Variants in PRKG1 observed in about 807,000 individuals in gnomAD.
The protein encoded by PRKG1 is protein kinase cGMP-dependent 1.
PRKG1 carries 35 observed loss-of-function variants against 88.1 expected under a neutral mutation model. The ratio of observed to expected loss-of-function variants is 0.40; its 90% CI spans 0.30 to 0.53. The LOEUF (loss-of-function observed/expected upper bound fraction) is 0.53, where lower values mean the gene tolerates loss of function less well. Ranked by LOEUF, PRKG1 falls within the 20% of genes least tolerant of loss-of-function variation. The pLI, the probability that PRKG1 is intolerant of heterozygous loss-of-function variation, is 0.59. For missense variants in PRKG1, 540 were observed against 839.8 expected, an observed-to-expected ratio of 0.64 and a Z score of 4.41; for synonymous variants, 303 against 292.5, an observed-to-expected ratio of 1.04 and a Z score of -0.37.
intron 2 of PRKG1, among the ~76,000 whole-genome samples, chr10:51,316,198 G>A (rs1031298216): frequency 3.9e-5 from 6 of 152,100 alleles, no homozygotes; most frequent in African/African-American, 4.8e-5. Flanking sequence ...GTCCCCTTGG[G>A]TAAAGTTTGT....
chr10:51,996,493 GAAGACCTAA>G (rs1391346265), intron 5 of PRKG1, among the ~76,000 whole-genome samples: 1 of 151,902 alleles, frequency 6.6e-6, no homozygotes, highest in Non-Finnish European at 1.5e-5. Flanking sequence ...TTTCTCAATA[GAAGACCTAA>G]AATTAGCCAA....
chr10:51,579,997 C>T (rs1478864282), intron 3 of PRKG1, among the ~76,000 whole-genome samples: 1 of 152,146 alleles, frequency 6.6e-6, no homozygotes, highest in Non-Finnish European at 1.5e-5. Flanking sequence ...TCTTCTCTCT[C>T]TACCTCTCTG....
chr10:51,680,065 C>T (rs1264419089), intron 3 of PRKG1, among the ~76,000 whole-genome samples: 3 of 152,190 alleles, frequency 2.0e-5, no homozygotes, highest in Non-Finnish European at 4.4e-5. Flanking sequence ...CTTGGAGTGG[C>T]CACAGGCCAC....
intron 1 of PRKG1, among the ~76,000 whole-genome samples, chr10:51,036,171 A>G (rs1328633094): frequency 6.6e-6 from 1 of 152,036 alleles, no homozygotes; most frequent in African/African-American, 2.4e-5. Context: ...GAGCCTACCT[A>G]TGTCATTAGG....
chr10:51,007,747 A>G (rs1207480984), intron 1 of PRKG1, among the ~76,000 whole-genome samples: 2 of 152,218 alleles, frequency 1.3e-5, no homozygotes, highest in African/African-American at 2.4e-5. Context: ...TGTAGTTTTA[A>G]TATTAGTGTT....
intron 5 of PRKG1, among the ~76,000 whole-genome samples, chr10:51,953,199 G>A: frequency 6.6e-6 from 1 of 152,172 alleles, no homozygotes; most frequent in Non-Finnish European, 1.5e-5. Context: ...ATTATAATTT[G>A]TGTGCTGTAT....
At chr10:51,259,598 T>C (rs1474629015) in intron 2 of PRKG1, among the ~76,000 whole-genome samples, 1 of 152,132 alleles carries the variant, frequency 6.6e-6, no homozygotes, top group East Asian at 1.9e-4. Flanking sequence ...TTCAGCCTCC[T>C]GAGTAGCTGG....
intron 1 of PRKG1, among the ~76,000 whole-genome samples, chr10:51,011,214 G>T (rs901863927): frequency 2.0e-5 from 3 of 151,958 alleles, no homozygotes; most frequent in Non-Finnish European, 4.4e-5. Flanking sequence ...TGTGTGGGTG[G>T]GGAGGGGGCG....
chr10:51,217,701 C>G (rs111687843), intron 2 of PRKG1, among the ~76,000 whole-genome samples: 3,382 of 152,150 alleles, frequency 0.022, 50 homozygotes, highest in Middle Eastern at 0.051. Flanking sequence ...ACACAGATGG[C>G]CTTTATAAAC....
At chr10:51,819,287 C>A (rs1249865223) in intron 4 of PRKG1, among the ~76,000 whole-genome samples, 1 of 151,782 alleles carries the variant, frequency 6.6e-6, no homozygotes, top group Non-Finnish European at 1.5e-5. Flanking sequence ...TTCACAGGAA[C>A]TAATAGAAAA....
At chr10:51,943,073 T>C (rs1484384593) in intron 5 of PRKG1, among the ~76,000 whole-genome samples, 1 of 152,086 alleles carries the variant, frequency 6.6e-6, no homozygotes, top group African/African-American at 2.4e-5. Flanking sequence ...TAATGATTCT[T>C]CCTATCCATG....
At chr10:51,035,064 T>C (rs1343169119) in intron 1 of PRKG1, among the ~76,000 whole-genome samples, 2 of 152,018 alleles carry the variant, frequency 1.3e-5, no homozygotes, top group African/African-American at 4.8e-5. Flanking sequence ...TCAGAGATGA[T>C]GGTAACGGTC....
intron 2 of PRKG1, among the ~76,000 whole-genome samples, chr10:51,454,531 A>G (rs1337844192): frequency 6.6e-6 from 1 of 152,206 alleles, no homozygotes; most frequent in African/African-American, 2.4e-5. Context: ...CACACTGATA[A>G]TAAAGACATA....
At chr10:52,005,677 A>T (rs1396731983) in intron 5 of PRKG1, among the ~76,000 whole-genome samples, 1 of 152,100 alleles carries the variant, frequency 6.6e-6, no homozygotes, top group African/African-American at 2.4e-5. Context: ...CAGTGGTTCT[A>T]CTTCTGCCTG....
chr10:51,116,786 T>A (rs1391748532), intron 1 of PRKG1, among the ~76,000 whole-genome samples: 2 of 152,050 alleles, frequency 1.3e-5, no homozygotes, highest in African/African-American at 4.8e-5. Flanking sequence ...GATGGTAAGA[T>A]CTGATACCAT....
At chr10:51,727,260 G>A (rs1842155031) in intron 3 of PRKG1, among the ~76,000 whole-genome samples, 3 of 148,784 alleles carry the variant, frequency 2.0e-5, no homozygotes, top group African/African-American at 7.5e-5. Flanking sequence ...GGGCAACACA[G>A]TAAGACCCCA....
chr10:52,103,033 A>G (rs1231909278), intron 7 of PRKG1, among the ~76,000 whole-genome samples: 2 of 152,200 alleles, frequency 1.3e-5, no homozygotes, highest in Non-Finnish European at 2.9e-5. Context: ...CAGAGATGGC[A>G]TTAGATTCTT....
At chr10:51,174,022 CA>C (rs1252224863) in intron 2 of PRKG1, among the ~76,000 whole-genome samples, 1 of 151,792 alleles carries the variant, frequency 6.6e-6, no homozygotes, top group Non-Finnish European at 1.5e-5. Context: ...AAGTATCCCT[CA>C]AGTATATTTT....
intron 1 of PRKG1, among the ~76,000 whole-genome samples, chr10:51,053,228 C>T (rs74424773): frequency 3.5e-3 from 406 of 117,150 alleles, no homozygotes; most frequent in African/African-American, 0.011. Flanking sequence ...AGACTCTTGT[C>T]TCAAATAAAT....
Sources: gnomAD v4.1 joint callset for allele counts (sites outside exome capture counted in the v4.1 genomes callset) on GRCh38, gnomAD v4.1.1 for gene constraint, MANE v1.5 for transcripts, NCBI Gene and HGNC (gene_info 2026-07-23, HGNC 2026-07-21) for gene names.